SH3RF3: variants seen among roughly 807,000 people sequenced by gnomAD.
The protein encoded by SH3RF3 is SH3 domain containing ring finger 3, also known as E3 ubiquitin-protein ligase SH3RF3.
A neutral mutation model predicts 66.3 loss-of-function variants in SH3RF3; 29 were observed. The ratio of observed to expected loss-of-function variants is 0.44; its 90% CI spans 0.33 to 0.60. SH3RF3 has a LOEUF of 0.60. Among genes scored for constraint, SH3RF3 ranks in the 20% least tolerant of loss-of-function variants. The pLI is 0.04. For missense variants in SH3RF3, 1,194 were observed against 1,190.9 expected (o/e 1.00, Z -0.04); for synonymous variants, 583 against 532.0 (o/e 1.10, Z -1.32).
chr2:109,330,958 T>C (rs1682268485), intron 1 of SH3RF3, among the ~76,000 whole-genome samples: 1 of 152,182 alleles, frequency 6.6e-6, no homozygotes, highest in Admixed American at 6.5e-5. Context: ...CAAGTGTGTG[T>C]TGAATAAAGG....
intron 1 of SH3RF3, among the ~76,000 whole-genome samples, chr2:109,254,475 A>G (rs1323259473): frequency 6.6e-6 from 1 of 152,194 alleles, no homozygotes; most frequent in Non-Finnish European, 1.5e-5. Context: ...GACACATTGC[A>G]TGTAAATGTT....
In SH3RF3 at chr2:109,142,394, G is replaced by A. The variant is rs200098685; in HGVS notation, c.573+12281G>A. On this transcript the variant is annotated intron_variant, in intron 1 of 9. Coordinates refer to ENST00000309415, the MANE Select transcript of SH3RF3 (RefSeq NM_001099289.3). ...TTTTAATAGGACCCCAAAGCACCCT[G>A]TGGGGTTAGCTCCACAAACTTGGAA... Among the ~76,000 whole-genome samples, 3 of 152,208 alleles carry A rather than the reference G, an allele frequency of 2.0e-5. No individual in the cohort carries two copies. In the East Asian group the frequency reaches 5.8e-4, roughly 29 times the overall value.
chr2:109,176,788 G>A (rs1677926607), intron 1 of SH3RF3, among the ~76,000 whole-genome samples: 1 of 152,176 alleles, frequency 6.6e-6, no homozygotes, highest in East Asian at 1.9e-4. Context: ...TGTTCCGCTG[G>A]CAGAAGTTAG....
chr2:109,193,791 G>C (rs1472466832), intron 1 of SH3RF3, among the ~76,000 whole-genome samples: 1 of 152,206 alleles, frequency 6.6e-6, no homozygotes, highest in Non-Finnish European at 1.5e-5. Context: ...CATTTGTGCA[G>C]TGCTTAGTGC....
chr2:109,143,683 G>A (rs180956073), intron 1 of SH3RF3, among the ~76,000 whole-genome samples: 44 of 152,258 alleles, frequency 2.9e-4, no homozygotes, highest in Admixed American at 2.8e-3. Context: ...AAGCCCAGGA[G>A]GTTGAGGCTG....
Position 109,326,069 on chromosome 2 carries a change from C to T in SH3RF3, c.574-21605C>T, listed in dbSNP as rs732476. On this transcript the variant is annotated intron_variant, in intron 1 of 9. Coordinates refer to ENST00000309415, the MANE Select transcript of SH3RF3 (RefSeq NM_001099289.3). ...AGAGGCCCTCCAGGGGTATCCTGGG[C>T]GTATGCCACATTTTCTCCACCATGG... Among the ~76,000 whole-genome samples, 515 of 152,322 alleles carry T rather than the reference C, an allele frequency of 3.4e-3. 5 individuals are homozygous for T. Among genetic ancestry groups the T allele is most frequent in the African/African-American group, 0.012 (480 of 41,566 alleles).
At chr2:109,248,691 TTTCTTTCCTTTCC>T (rs1005978620) in intron 1 of SH3RF3, among the ~76,000 whole-genome samples, 2 of 152,050 alleles carry the variant, frequency 1.3e-5, no homozygotes, top group Admixed American at 6.6e-5. Flanking sequence ...AAGTACTGCA[TTTCTTTCCTTTCC>T]TTCTTTCCTT....
chr2:109,490,048 C>T (rs1161737272), intron 8 of SH3RF3, among the ~76,000 whole-genome samples: 2 of 152,138 alleles, frequency 1.3e-5, no homozygotes, highest in Non-Finnish European at 2.9e-5. Context: ...TGGATGAGCT[C>T]TTGGTCTTAG....
Position 109,347,798 on chromosome 2 carries a change from A to G in SH3RF3, c.698A>G (p.His233Arg). 5 of 1,613,996 alleles carry G rather than the reference A, an allele frequency of 3.1e-6. No homozygotes were observed. Among genetic ancestry groups the G allele is most frequent in the Non-Finnish European group, 4.2e-6 (5 of 1,179,874 alleles). ...CGCAAGGTGGATGAACAGTGGTACC[A>G]CGGCGAGCTGCACGGCACACAGGGC... Reference protein sequence around the residue: ...LRRKVDEQWYHGELHGTQGFL... With the variant: ...LRRKVDEQWYRGELHGTQGFL... The change falls in exon 2 of 10, where the codon CAC becomes CGC. Residue 233 changes from histidine to arginine, a missense_variant. Physicochemically the swap from His to Arg is conservative, Grantham distance 29. Coordinates refer to ENST00000309415, the MANE Select transcript of SH3RF3 (RefSeq NM_001099289.3).
intron 8 of SH3RF3, among the ~76,000 whole-genome samples, chr2:109,489,987 C>G (rs148287075): frequency 0.011 from 1,668 of 152,294 alleles, 39 homozygotes; most frequent in African/African-American, 0.038. Flanking sequence ...ATCTGCCCAC[C>G]TTGGCCTCCC....
chr2:109,283,382 T>C (rs1171210113), intron 1 of SH3RF3, among the ~76,000 whole-genome samples: 1 of 152,016 alleles, frequency 6.6e-6, no homozygotes, highest in African/African-American at 2.4e-5. Context: ...CCTCACTGCG[T>C]TGAAATTGAG....
In SH3RF3 at chr2:109,159,101, A is replaced by G. The variant is rs1171904686; in HGVS notation, c.573+28988A>G. Among the ~76,000 whole-genome samples the G allele has an allele frequency of 3.0e-4, 45 of 151,900 alleles. 1 individual carries two copies. Among genetic ancestry groups the G allele is most frequent in the Non-Finnish European group, 4.4e-5 (3 of 67,972 alleles). On this transcript the variant is annotated intron_variant, in intron 1 of 9. Coordinates refer to ENST00000309415, the MANE Select transcript of SH3RF3 (RefSeq NM_001099289.3). ...CACTGCACTCCAGCCTGGGCGACAG[A>G]GTGAGATTCGGTCTCAAAACAAAGA...
At chr2:109,273,024 G>T (rs1344407655) in intron 1 of SH3RF3, among the ~76,000 whole-genome samples, 1 of 152,128 alleles carries the variant, frequency 6.6e-6, no homozygotes, top group Non-Finnish European at 1.5e-5. Context: ...TTAAAAAGTT[G>T]GTTTTAATTT....
chr2:109,141,042 A>G (rs542687387), intron 1 of SH3RF3, among the ~76,000 whole-genome samples: 156 of 152,256 alleles, frequency 1.0e-3, no homozygotes, highest in African/African-American at 3.6e-3. Context: ...GGTGTGAGCC[A>G]TTTACATCAG....
intron 1 of SH3RF3, among the ~76,000 whole-genome samples, chr2:109,173,354 C>T (rs933691410): frequency 1.3e-5 from 2 of 152,118 alleles, no homozygotes; most frequent in African/African-American, 2.4e-5. Flanking sequence ...TCAACCGAGC[C>T]GTCCCTGCCT....
chr2:109,489,962 T>A lies in SH3RF3; in HGVS notation c.2149-643T>A, dbSNP rs556972902. On this transcript the variant is annotated intron_variant, in intron 8 of 9. Transcript: ENST00000309415. ...CATGTTGGCCAGGCTGGTCTCGAAC[T>A]CCTGACCTCAAGTGATCTGCCCACC... Among the ~76,000 whole-genome samples, 68 of 152,316 alleles carry A rather than the reference T, an allele frequency of 4.5e-4. No individual in the cohort carries two copies. In the South Asian group the frequency reaches 7.0e-3, roughly 16 times the overall value.
intron 3 of SH3RF3, among the ~76,000 whole-genome samples, chr2:109,386,830 C>G (rs965983145): frequency 6.6e-6 from 1 of 152,148 alleles, no homozygotes; most frequent in African/African-American, 2.4e-5. Context: ...TCTCACAAAA[C>G]CAAAGACACC....
At chr2:109,164,375 G>C (rs908122538) in intron 1 of SH3RF3, among the ~76,000 whole-genome samples, 1 of 152,080 alleles carries the variant, frequency 6.6e-6, no homozygotes, top group Non-Finnish European at 1.5e-5. Flanking sequence ...TTAGAGATGG[G>C]GTCTTGCTGT....
chr2:109,457,938 A>C (rs1349258700), intron 8 of SH3RF3, among the ~76,000 whole-genome samples: 4 of 151,882 alleles, frequency 2.6e-5, no homozygotes, highest in Non-Finnish European at 4.4e-5. Context: ...ACTTGCCAGC[A>C]CTCTCCATTT....
Sources: gnomAD v4.1 joint callset for allele counts (sites outside exome capture counted in the v4.1 genomes callset) on GRCh38, gnomAD v4.1.1 for gene constraint, MANE v1.5 for transcripts, NCBI Gene and HGNC (gene_info 2026-07-23, HGNC 2026-07-21) for gene names.